Variants in MAP3K5 observed in about 807,000 individuals in gnomAD.
The protein encoded by MAP3K5 is mitogen-activated protein kinase kinase kinase 5.
A neutral mutation model predicts 158.7 loss-of-function variants in MAP3K5; 56 were observed. The ratio of observed to expected loss-of-function variants is 0.35; its 90% CI spans 0.28 to 0.44. The LOEUF is 0.44. Ranked by LOEUF, MAP3K5 falls within the 20% of genes least tolerant of loss-of-function variation. The pLI is 1.00. For missense variants in MAP3K5, 1,294 were observed against 1,674.8 expected, an observed-to-expected ratio of 0.77 and a Z score of 3.97; for synonymous variants, 579 against 601.7, an observed-to-expected ratio of 0.96 and a Z score of 0.55.
intron 28 of MAP3K5, among the ~76,000 whole-genome samples, chr6:136,560,522 T>TA (rs920474495): frequency 3.3e-5 from 5 of 152,170 alleles, no homozygotes; most frequent in Non-Finnish European, 7.4e-5. Context: ...AGAGAGGAAT[T>TA]AGATTATTAC....
chr6:136,566,757 T>A (rs1363195852), intron 26 of MAP3K5, among the ~76,000 whole-genome samples: 1 of 152,240 alleles, frequency 6.6e-6, no homozygotes, highest in Non-Finnish European at 1.5e-5. Context: ...TGTTTCTGAA[T>A]ATAGGATGAG....
intron 8 of MAP3K5, among the ~76,000 whole-genome samples, chr6:136,668,480 G>T: frequency 6.6e-6 from 1 of 152,128 alleles, no homozygotes; most frequent in East Asian, 1.9e-4. Flanking sequence ...GAAAAACAAG[G>T]CTGAATATTT....
chr6:136,668,625 C>CA (rs1562596067), intron 8 of MAP3K5, among the ~76,000 whole-genome samples: 1 of 152,030 alleles, frequency 6.6e-6, no homozygotes, highest in Non-Finnish European at 1.5e-5. Context: ...TGATCAAAGC[C>CA]AAAACCAAGA....
chr6:136,643,681 T>C (rs1238240539), intron 11 of MAP3K5, among the ~76,000 whole-genome samples: 1 of 152,200 alleles, frequency 6.6e-6, no homozygotes, highest in Non-Finnish European at 1.5e-5. Context: ...ACTAAAAAGC[T>C]AGTTTCAGTG....
chr6:136,595,456 A>G (rs148942668), intron 21 of MAP3K5, among the ~76,000 whole-genome samples: 282 of 152,252 alleles, frequency 1.9e-3, no homozygotes, highest in African/African-American at 6.4e-3. Flanking sequence ...CCCCTTCTCT[A>G]TTAGGCACAT....
At chr6:136,782,452 T>C (rs1022304551) in intron 1 of MAP3K5, among the ~76,000 whole-genome samples, 3 of 152,186 alleles carry the variant, frequency 2.0e-5, no homozygotes, top group African/African-American at 7.2e-5. Flanking sequence ...CTCTCCTCCA[T>C]GTTTCTGTTT....
At chr6:136,786,804 T>C (rs1338898870) in intron 1 of MAP3K5, among the ~76,000 whole-genome samples, 12 of 146,902 alleles carry the variant, frequency 8.2e-5, no homozygotes, top group African/African-American at 2.0e-4. Context: ...GTTCTTCTTT[T>C]TTTTTTTTTT....
intron 1 of MAP3K5, among the ~76,000 whole-genome samples, chr6:136,741,733 C>A (rs769613182): frequency 6.6e-6 from 1 of 152,062 alleles, no homozygotes; most frequent in Non-Finnish European, 1.5e-5. Flanking sequence ...CATCTATGTA[C>A]AAAACCCAAG....
At position 136,669,383 on chromosome 6, in the gene MAP3K5, T is replaced by A. The variant is rs764421096; in HGVS notation, c.1266A>T (p.Ala422=). 5 of 1,605,176 alleles carry A rather than the reference T, an allele frequency of 3.1e-6. No individual in the cohort carries two copies. In the East Asian group the frequency reaches 1.1e-4, roughly 36 times the overall value. The change falls in exon 8 of 30, where the codon GCA becomes GCT. Residue 422 remains alanine, a synonymous_variant. Coordinates refer to ENST00000359015, the MANE Select transcript of MAP3K5 (RefSeq NM_005923.4). ...RDHGASWFKK[A]FESEPTLQSG... ...ACTGTAGTGTTGGCTCAGATTCAAA[T>A]GCCTTTTTGAACCTATAAAAAACCA...
chr6:136,662,907 T>C (rs906580574), intron 8 of MAP3K5, among the ~76,000 whole-genome samples: 3 of 152,234 alleles, frequency 2.0e-5, no homozygotes, highest in African/African-American at 7.2e-5. Context: ...AGTTGCATAT[T>C]TATGCAATTT....
At position 136,712,617 on chromosome 6, in the gene MAP3K5, G is replaced by C. The variant is rs1252787839; in HGVS notation, c.589-7484C>G. Among the ~76,000 whole-genome samples, 4 of 152,332 alleles carry C rather than the reference G, an allele frequency of 2.6e-5. No individual in the cohort carries two copies. The East Asian group carries it at 7.7e-4, about 29-fold the overall frequency. On this transcript the variant is annotated intron_variant, in intron 2 of 29. Transcript: ENST00000359015. The stretch of plus-strand genomic sequence containing the variant: ...ACTTTTCTTAAACTGTATTGTTAAA[G>C]TTGGAGGTATAGTGAATTTTTCTAC...
At chr6:136,584,765 A>G (rs1385189525) in intron 23 of MAP3K5, among the ~76,000 whole-genome samples, 1 of 152,166 alleles carries the variant, frequency 6.6e-6, no homozygotes, top group Non-Finnish European at 1.5e-5. Flanking sequence ...CAGAGAAAAG[A>G]TGTGCAAACT....
intron 1 of MAP3K5, among the ~76,000 whole-genome samples, chr6:136,787,131 G>A (rs1048608805): frequency 3.3e-5 from 5 of 152,172 alleles, no homozygotes; most frequent in African/African-American, 1.2e-4. Flanking sequence ...GGGAGGCAGA[G>A]GCAGGAGGAT....
intron 14 of MAP3K5, among the ~76,000 whole-genome samples, chr6:136,631,728 C>G (rs1373770970): frequency 6.6e-6 from 1 of 151,908 alleles, no homozygotes; most frequent in Non-Finnish European, 1.5e-5. Flanking sequence ...TTGCTACAAC[C>G]TAATATTAAA....
At chr6:136,572,698 A>G (rs1264994260) in intron 25 of MAP3K5, among the ~76,000 whole-genome samples, 1 of 152,248 alleles carries the variant, frequency 6.6e-6, no homozygotes, top group African/African-American at 2.4e-5. Flanking sequence ...GACGTAAAAA[A>G]TTCTCTGAAT....
intron 21 of MAP3K5, among the ~76,000 whole-genome samples, chr6:136,597,962 G>C (rs1331954892): frequency 6.6e-6 from 1 of 152,126 alleles, no homozygotes; most frequent in Non-Finnish European, 1.5e-5. Context: ...CTAATGTATT[G>C]GACAGGGCAG....
At chr6:136,748,543 T>C (rs1028021291) in intron 1 of MAP3K5, among the ~76,000 whole-genome samples, 1 of 152,180 alleles carries the variant, frequency 6.6e-6, no homozygotes, top group African/African-American at 2.4e-5. Context: ...GGAGTGTTCT[T>C]CGCAAAACAT....
intron 14 of MAP3K5, among the ~76,000 whole-genome samples, chr6:136,627,454 T>G (rs779908257): frequency 5.9e-5 from 9 of 152,318 alleles, no homozygotes; most frequent in Admixed American, 2.0e-4. Context: ...AAATCCAAAC[T>G]CCTTAGCACA....
chr6:136,742,034 T>C (rs1782730642), intron 1 of MAP3K5, among the ~76,000 whole-genome samples: 1 of 152,196 alleles, frequency 6.6e-6, no homozygotes, highest in Non-Finnish European at 1.5e-5. Flanking sequence ...TGTTCATAGA[T>C]AGGAAGACTC....
Sources: allele counts gnomAD v4.1 joint callset (sites outside exome capture counted in the v4.1 genomes callset), GRCh38; gene constraint gnomAD v4.1.1; transcripts MANE v1.5; gene names NCBI Gene and HGNC (gene_info 2026-07-23, HGNC 2026-07-21).